The following DBX2 variants were observed in gnomAD, a reference collection of about 807,000 sequenced individuals.
DBX2 encodes the protein developing brain homeobox 2.
A neutral mutation model predicts 17.7 loss-of-function variants in DBX2; 16 were observed. That is an observed-to-expected ratio of 0.90 (90% confidence interval 0.61 to 1.37). The LOEUF is 1.37. DBX2 is among the 40% of genes most tolerant of loss of function. The pLI, the probability that DBX2 is intolerant of heterozygous loss-of-function variation, is 0.00. For missense variants in DBX2, 538 were observed against 433.8 expected, an observed-to-expected ratio of 1.24 and a Z score of -2.13; for synonymous variants, 255 against 183.8, an observed-to-expected ratio of 1.39 and a Z score of -3.13.
intron 2 of DBX2, among the ~76,000 whole-genome samples, chr12:45,026,260 G>A (rs1263803209): frequency 6.6e-6 from 1 of 152,160 alleles, no homozygotes; most frequent in Non-Finnish European, 1.5e-5. Flanking sequence ...AAAGTGGAAT[G>A]GAGTCAGTTA....
intron 1 of DBX2, among the ~76,000 whole-genome samples, chr12:45,038,462 C>T (rs561191165): frequency 6.6e-5 from 10 of 151,318 alleles, no homozygotes; most frequent in Non-Finnish European, 1.2e-4. Flanking sequence ...TGTGATCATA[C>T]TACTGATATC....
At chr12:45,031,705 G>A (rs527626377) in intron 2 of DBX2, among the ~76,000 whole-genome samples, 1 of 152,274 alleles carries the variant, frequency 6.6e-6, no homozygotes, top group South Asian at 2.1e-4. Context: ...CTGAACGGGT[G>A]CAGGCAGTCT....
chr12:45,029,998 C>T (rs2643136), intron 2 of DBX2, among the ~76,000 whole-genome samples: 44,583 of 151,904 alleles, frequency 0.29, 7,799 homozygotes, highest in Non-Finnish European at 0.41. Context: ...TGGATCCTGA[C>T]ATGCTCCCTA....
chr12:45,048,088 AT>A (rs1387367771), intron 1 of DBX2, among the ~76,000 whole-genome samples: 1 of 152,318 alleles, frequency 6.6e-6, no homozygotes, highest in African/African-American at 2.4e-5. Flanking sequence ...CATGTGCTGA[AT>A]GAATGAAATA....
chr12:45,048,284 G>C (rs1946510528), intron 1 of DBX2, among the ~76,000 whole-genome samples: 1 of 152,128 alleles, frequency 6.6e-6, no homozygotes, highest in Non-Finnish European at 1.5e-5. Context: ...GGGAAAAAAG[G>C]GGGTAGTCAA....
At chr12:45,024,896 T>G (rs1224196227) in intron 2 of DBX2, among the ~76,000 whole-genome samples, 3 of 152,216 alleles carry the variant, frequency 2.0e-5, no homozygotes, top group African/African-American at 7.2e-5. Flanking sequence ...ACAATTCCAT[T>G]GATCATCAAC....
chr12:45,050,586 A>T lies in DBX2; in HGVS notation c.342T>A (p.Ser114Arg). ...AFQVLSPSAD[S>R]ARLPGRAPGD... ...CCGGAGCCCGGCCCGGCAGCCTCGC[A>T]CTGTCCGCAGAGGGACTGAGCACTT... The change falls in exon 1 of 4, where the codon AGT (serine) becomes AGA (arginine). Residue 114 changes from serine (S) to arginine (R), a missense_variant. Ser to Arg is a moderately radical substitution (Grantham distance 110, BLOSUM62 -1). Transcript: ENST00000332700. The T allele has an allele frequency of 6.4e-7, 1 of 1,551,952 alleles. No homozygotes were observed. Among genetic ancestry groups the T allele is most frequent in the Non-Finnish European group, 8.7e-7 (1 of 1,148,260 alleles).
intron 3 of DBX2, among the ~76,000 whole-genome samples, chr12:45,020,749 A>G (rs1182072004): frequency 6.6e-6 from 1 of 151,694 alleles, no homozygotes; most frequent in Non-Finnish European, 1.5e-5. Flanking sequence ...TAGTAAAAGT[A>G]GCTACTTCAT....
At chr12:45,026,078 G>A (rs960469885) in intron 2 of DBX2, among the ~76,000 whole-genome samples, 11 of 152,066 alleles carry the variant, frequency 7.2e-5, no homozygotes, top group African/African-American at 1.9e-4. Context: ...TTTAAAAAGC[G>A]GGAAGTTTCA....
intron 1 of DBX2, among the ~76,000 whole-genome samples, chr12:45,047,794 T>C (rs1946507889): frequency 6.6e-6 from 1 of 152,168 alleles, no homozygotes; most frequent in Admixed American, 6.5e-5. Flanking sequence ...TTTTGGGCAA[T>C]TTTTTCTCTA....
At position 45,016,251 on chromosome 12, in the gene DBX2, C is replaced by G. The variant is rs545153567; in HGVS notation, c.*35G>C. 1 of 1,523,962 alleles carries G rather than the reference C, an allele frequency of 6.6e-7. No homozygotes were observed. The highest frequency in any genetic ancestry group is 8.8e-7 in the Non-Finnish European group (1 of 1,138,154). 94.4% of individuals were successfully genotyped at this position (1,523,962 alleles called of 1,614,324 possible). A position where few individuals can be genotyped will look rare whatever the true frequency, so the allele number is the denominator to read the frequency against. ...TTAGAGTCCAGATGTTACTATTAAGCGTTCTTTTAAATGAACACGGAGGAA... is the reference window on the plus strand; with the variant it reads ...TTAGAGTCCAGATGTTACTATTAAGGGTTCTTTTAAATGAACACGGAGGAA... On this transcript the variant is annotated 3_prime_UTR_variant, in exon 4 of 4. Transcript: ENST00000332700.
rs375287819 is a variant in DBX2, at chr12:45,023,747, C to T, written c.647G>A (p.Arg216Gln). ...TCCCAAGTTGATGGCAAGTTTCTTT[C>T]GGTCTGTTTTGCTGATATATTTCTG... ...QKQKYISKTD[R>Q]KKLAINLGLK... The change falls in exon 3 of 4, where the codon CGA becomes CAA. Residue 216 changes from arginine (R) to glutamine (Q), a missense_variant. Physicochemically the swap from Arg to Gln is conservative, Grantham distance 43. Transcript: ENST00000332700. The T allele has an allele frequency of 5.6e-6, 9 of 1,614,076 alleles. No homozygotes were observed. Among genetic ancestry groups the T allele is most frequent in the South Asian group, 4.4e-5 (4 of 91,078 alleles).
At chr12:45,020,507 C>A (rs2137018412) in intron 3 of DBX2, among the ~76,000 whole-genome samples, 1 of 151,832 alleles carries the variant, frequency 6.6e-6, no homozygotes, top group South Asian at 2.1e-4. Context: ...ATAGAGGATA[C>A]CCTTGGAAGG....
intron 1 of DBX2, among the ~76,000 whole-genome samples, chr12:45,039,585 A>G (rs1442299275): frequency 6.6e-6 from 1 of 151,946 alleles, no homozygotes; most frequent in African/African-American, 2.4e-5. Context: ...TCACTGAACA[A>G]TATTTATAAT....
rs947271593 is a variant in DBX2, at chr12:45,015,008, T to A, written c.*1278A>T. The stretch of plus-strand genomic sequence containing the variant: ...CACTTAATGAACTTCTGATAGTGTT[T>A]CTTGTCCACAGATTGATAAGAGTTT... On this transcript the variant is annotated 3_prime_UTR_variant, in exon 4 of 4. Coordinates refer to ENST00000332700, the MANE Select transcript of DBX2 (RefSeq NM_001004329.3). 6.6e-6 allele frequency: 1 copy of A among 152,198 alleles called. No individual in the cohort carries two copies. Among genetic ancestry groups the A allele is most frequent in the Non-Finnish European group, 1.5e-5 (1 of 68,016 alleles). The allele number at this position is 152,198 out of a possible 1,614,324, so 9.4% of individuals were successfully genotyped here.
intron 2 of DBX2, among the ~76,000 whole-genome samples, chr12:45,027,605 T>C (rs751594907): frequency 4.6e-5 from 7 of 152,204 alleles, no homozygotes; most frequent in Non-Finnish European, 7.4e-5. Context: ...ACTTACATTA[T>C]GATTTTTTAA....
At chr12:45,047,818 T>C (rs191595169) in intron 1 of DBX2, among the ~76,000 whole-genome samples, 437 of 152,306 alleles carry the variant, frequency 2.9e-3, no homozygotes, top group African/African-American at 9.9e-3. Flanking sequence ...CAAGTTCATA[T>C]ATGATTAAAG....
Position 45,044,616 on chromosome 12 carries a change from A to C in DBX2, c.403+5909T>G, listed in dbSNP as rs77671884. Among the ~76,000 whole-genome samples, 7 of 152,282 alleles carry C rather than the reference A, an allele frequency of 4.6e-5. No individual in the cohort carries two copies. In the East Asian group the frequency reaches 1.4e-3, roughly 29 times the overall value. ...TAAACAAGAAGGCATTAAAATAGTC[A>C]GCAATTTTTACAAAAAGACGCAACC... On this transcript the variant is annotated intron_variant, in intron 1 of 3. Transcript: ENST00000332700.
In DBX2 at chr12:45,023,573, T is replaced by G. The variant is rs1194995128; in HGVS notation, c.687+134A>C. On this transcript the variant is annotated intron_variant, in intron 3 of 3. Transcript: ENST00000332700. ...CATGCCTGGTATAAGAAATATTTGC[T>G]AAATAAATGGATTCCATTGTGTGCC... 6.5e-6 allele frequency: 7 copies of G among 1,070,168 alleles called. No individual in the cohort carries two copies. The Admixed American group carries it at 1.2e-4, about 18-fold the overall frequency. 66.3% of individuals were successfully genotyped at this position (1,070,168 alleles called of 1,614,324 possible).
Sources: allele counts gnomAD v4.1 joint callset (sites outside exome capture counted in the v4.1 genomes callset), GRCh38; gene constraint gnomAD v4.1.1; transcripts MANE v1.5; gene names NCBI Gene and HGNC (gene_info 2026-07-23, HGNC 2026-07-21).